SLC4A4: variants seen among roughly 807,000 people sequenced by gnomAD.
The protein encoded by SLC4A4 is solute carrier family 4 member 4, also known as electrogenic sodium bicarbonate cotransporter 1.
Under a neutral mutation model 111.5 loss-of-function variants are expected in SLC4A4, and 27 were observed. The ratio of observed to expected loss-of-function variants is 0.24; its 90% CI spans 0.18 to 0.33. The LOEUF (loss-of-function observed/expected upper bound fraction) is 0.33. SLC4A4 is among the 10% of genes least tolerant of loss of function. SLC4A4 has a pLI of 1.00. For missense variants in SLC4A4, 909 were observed against 1,315.5 expected (o/e 0.69, Z 4.78); for synonymous variants, 443 against 463.4 (o/e 0.96, Z 0.57).
intron 8 of SLC4A4, among the ~76,000 whole-genome samples, chr4:71,444,256 C>T (rs1356987144): frequency 1.3e-5 from 2 of 152,040 alleles, no homozygotes; most frequent in South Asian, 4.2e-4. Context: ...CCGTTGGTTC[C>T]GGACACAGAT....
chr4:71,165,829 A>T (rs1023901966), intron 2 of SLC4A4, among the ~76,000 whole-genome samples: 1 of 152,192 alleles, frequency 6.6e-6, no homozygotes, highest in African/African-American at 2.4e-5. Flanking sequence ...CAGCTGGAAC[A>T]TTCTAAGGCT....
At position 71,567,089 on chromosome 4, in the gene SLC4A4, G is replaced by C; in HGVS notation, c.*36+6G>C. 5 of 1,602,666 alleles carry C rather than the reference G, an allele frequency of 3.1e-6. No homozygotes were observed. The highest frequency in any genetic ancestry group is 4.3e-6 in the Non-Finnish European group (5 of 1,171,946). ...CAGTCACTCGGTATGCCAAGGTAAA[G>C]GAGAGCCCAGTATTTTATGTTTTTC... On this transcript the variant is annotated splice_donor_region_variant and intron_variant, in intron 25 of 25. Transcript: ENST00000264485.
At chr4:71,156,744 G>A (rs1207393044) in intron 2 of SLC4A4, among the ~76,000 whole-genome samples, 2 of 152,044 alleles carry the variant, frequency 1.3e-5, no homozygotes, top group African/African-American at 4.8e-5. Flanking sequence ...TTACAGTGAA[G>A]CCATCTTTGC....
At chr4:71,094,544 T>A (rs1180751092) in intron 2 of SLC4A4, among the ~76,000 whole-genome samples, 1 of 152,254 alleles carries the variant, frequency 6.6e-6, no homozygotes, top group African/African-American at 2.4e-5. Context: ...GCTAATTTGC[T>A]GGTGAGGTTT....
intron 2 of SLC4A4, among the ~76,000 whole-genome samples, chr4:71,152,741 C>A (rs1362381614): frequency 1.3e-5 from 2 of 151,974 alleles, no homozygotes; most frequent in African/African-American, 2.4e-5. Context: ...TGGTGCCCAC[C>A]CAGGTTAAGG....
At chr4:71,276,339 G>C (rs771735952) in intron 3 of SLC4A4, among the ~76,000 whole-genome samples, 2 of 152,146 alleles carry the variant, frequency 1.3e-5, no homozygotes, top group Non-Finnish European at 2.9e-5. Context: ...GTGCGATGTA[G>C]TTACATATAA....
chr4:71,530,564 GC>G (rs1280812780), intron 16 of SLC4A4, among the ~76,000 whole-genome samples: 1 of 151,968 alleles, frequency 6.6e-6, no homozygotes, highest in Non-Finnish European at 1.5e-5. Context: ...CTCATAAAAG[GC>G]TGGCCTTCTC....
At chr4:71,480,386 GA>G (rs1177240610) in intron 14 of SLC4A4, among the ~76,000 whole-genome samples, 3 of 150,208 alleles carry the variant, frequency 2.0e-5, no homozygotes, top group Non-Finnish European at 3.0e-5. Flanking sequence ...AAAAAAAAAA[GA>G]AAAACTTACT....
chr4:71,414,239 ATC>A (rs1721645632), intron 7 of SLC4A4, among the ~76,000 whole-genome samples: 1 of 152,184 alleles, frequency 6.6e-6, no homozygotes, highest in African/African-American at 2.4e-5. Flanking sequence ...GAGCCCTGAC[ATC>A]TCTGTTTTGT....
At chr4:71,110,146 C>T (rs1482750694) in intron 2 of SLC4A4, among the ~76,000 whole-genome samples, 1 of 152,112 alleles carries the variant, frequency 6.6e-6, no homozygotes, top group South Asian at 2.1e-4. Context: ...GAAACAGATT[C>T]CTGGTGCTTT....
At chr4:71,315,222 C>A (rs1439342409) in intron 3 of SLC4A4, among the ~76,000 whole-genome samples, 1 of 152,078 alleles carries the variant, frequency 6.6e-6, no homozygotes, top group Non-Finnish European at 1.5e-5. Flanking sequence ...TGGTATCAGA[C>A]CTAAAACTGA....
At chr4:71,213,040 G>T (rs1718227879) in intron 1 of SLC4A4, among the ~76,000 whole-genome samples, 1 of 152,176 alleles carries the variant, frequency 6.6e-6, no homozygotes, top group Admixed American at 6.5e-5. Context: ...TTGTAGATTA[G>T]GAGCAATAGG....
intron 6 of SLC4A4, among the ~76,000 whole-genome samples, chr4:71,391,539 A>T (rs916239104): frequency 1.3e-5 from 2 of 152,106 alleles, no homozygotes; most frequent in Non-Finnish European, 2.9e-5. Context: ...ACAGAATGTA[A>T]TTAATTTTTA....
At chr4:71,253,064 G>A (rs184320089) in intron 2 of SLC4A4, among the ~76,000 whole-genome samples, 19 of 152,246 alleles carry the variant, frequency 1.2e-4, no homozygotes, top group Admixed American at 1.0e-3. Flanking sequence ...CCAAGAAGGA[G>A]GAGTTGGAGG....
At chr4:71,352,315 A>G (rs1434264366) in intron 5 of SLC4A4, among the ~76,000 whole-genome samples, 1 of 152,188 alleles carries the variant, frequency 6.6e-6, no homozygotes, top group African/African-American at 2.4e-5. Context: ...TTGGCAGAGT[A>G]TAGGCAGTCT....
chr4:71,560,366 T>A, intron 23 of SLC4A4, 112 bp downstream of exon 23: 1 of 1,218,084 alleles, frequency 8.2e-7, no homozygotes, highest in Non-Finnish European at 1.2e-6. Flanking sequence ...AATGTTTATC[T>A]GGACATGTGG....
chr4:71,308,108 C>A (rs746795907), intron 3 of SLC4A4, among the ~76,000 whole-genome samples: 1 of 152,140 alleles, frequency 6.6e-6, no homozygotes, highest in Non-Finnish European at 1.5e-5. Context: ...TTATAGTCTT[C>A]TTTCTCTTCT....
chr4:71,420,271 AG>A (rs1300492760), intron 7 of SLC4A4, among the ~76,000 whole-genome samples: 1 of 152,236 alleles, frequency 6.6e-6, no homozygotes, highest in Non-Finnish European at 1.5e-5. Flanking sequence ...TGAAGCAAGA[AG>A]GGAAATTTAG....
chr4:71,372,509 T>G (rs1731983981), intron 6 of SLC4A4, among the ~76,000 whole-genome samples: 1 of 152,218 alleles, frequency 6.6e-6, no homozygotes, highest in Non-Finnish European at 1.5e-5. Context: ...CTCTTAGCGC[T>G]TATCTGTGAA....
Sources: gnomAD v4.1 joint callset for allele counts (sites outside exome capture counted in the v4.1 genomes callset) on GRCh38, gnomAD v4.1.1 for gene constraint, MANE v1.5 for transcripts, NCBI Gene and HGNC (gene_info 2026-07-23, HGNC 2026-07-21) for gene names.